The following PCSK5 variants were observed in gnomAD, a reference collection of about 807,000 sequenced individuals.
The protein encoded by PCSK5 is proprotein convertase subtilisin/kexin type 5, also known as prohormone convertase 5.
Under a neutral mutation model 233.2 loss-of-function variants are expected in PCSK5, and 129 were observed. The ratio of observed to expected loss-of-function variants is 0.55; its 90% CI spans 0.48 to 0.64. The LOEUF is 0.64. Ranked by LOEUF, PCSK5 falls within the 30% of genes least tolerant of loss-of-function variation. The pLI, the probability that PCSK5 is intolerant of heterozygous loss-of-function variation, is 0.00. For missense variants in PCSK5, 2,076 were observed against 2,430.1 expected, an observed-to-expected ratio of 0.85 and a Z score of 3.06; for synonymous variants, 825 against 879.2, an observed-to-expected ratio of 0.94 and a Z score of 1.09.
chr9:75,974,469 C>G (rs573242278), intron 2 of PCSK5, among the ~76,000 whole-genome samples: 3 of 152,186 alleles, frequency 2.0e-5, no homozygotes, highest in South Asian at 4.2e-4. Context: ...TCCCTTTGCC[C>G]GGGGATTTTG....
At chr9:76,135,481 A>G (rs906539404) in intron 10 of PCSK5, among the ~76,000 whole-genome samples, 3 of 152,130 alleles carry the variant, frequency 2.0e-5, no homozygotes, top group Non-Finnish European at 4.4e-5. Flanking sequence ...TGTAAACTAT[A>G]TAATGCAGCA....
intron 14 of PCSK5, among the ~76,000 whole-genome samples, chr9:76,179,111 T>C (rs1468351789): frequency 1.3e-5 from 2 of 152,200 alleles, no homozygotes; most frequent in African/African-American, 2.4e-5. Flanking sequence ...GCTGTAATGG[T>C]GTTTCTTCCT....
intron 24 of PCSK5, among the ~76,000 whole-genome samples, chr9:76,275,097 A>T (rs886340364): frequency 2.1e-5 from 3 of 140,026 alleles, no homozygotes; most frequent in Admixed American, 6.9e-5. Flanking sequence ...CATTGGAGAT[A>T]AAAAAAAAAT....
intron 2 of PCSK5, among the ~76,000 whole-genome samples, chr9:75,934,623 C>T (rs993115992): frequency 4.0e-5 from 6 of 151,680 alleles, no homozygotes; most frequent in African/African-American, 1.5e-4. Flanking sequence ...CTCTTATTGC[C>T]CAGGCTGGAG....
chr9:76,308,285 G>A (rs1828764692), intron 28 of PCSK5, among the ~76,000 whole-genome samples: 2 of 152,220 alleles, frequency 1.3e-5, no homozygotes. Flanking sequence ...ATTCACAAGT[G>A]CATACACACA....
Position 76,220,597 on chromosome 9 carries a change from G to A in PCSK5, c.2627-6906G>A, listed in dbSNP as rs370075323. Among the ~76,000 whole-genome samples the A allele has an allele frequency of 3.3e-5, 5 of 150,176 alleles. No homozygotes were observed. The South Asian group carries it at 8.5e-4, about 26-fold the overall frequency. ...TCCCACCCCCAAACCCCACCCTTTG[G>A]GTCTGGTCTTACAACCAGCTGTTTA... On this transcript the variant is annotated intron_variant, in intron 20 of 37. Coordinates refer to ENST00000674117, the MANE Select transcript of PCSK5 (RefSeq NM_001372043.1).
chr9:76,141,701 C>G (rs1477510327), intron 10 of PCSK5, among the ~76,000 whole-genome samples: 6 of 152,076 alleles, frequency 3.9e-5, no homozygotes, highest in Admixed American at 6.6e-5. Flanking sequence ...CTTTTGTAGG[C>G]TTTCGTATAA....
intron 28 of PCSK5, among the ~76,000 whole-genome samples, chr9:76,304,207 C>A (rs572625635): frequency 6.6e-6 from 1 of 152,226 alleles, no homozygotes; most frequent in South Asian, 2.1e-4. Flanking sequence ...ATTTTTATCT[C>A]CAAGCTAGGA....
chr9:75,911,445 A>G (rs925047724), intron 1 of PCSK5, among the ~76,000 whole-genome samples: 15 of 152,058 alleles, frequency 9.9e-5, no homozygotes, highest in African/African-American at 3.6e-4. Flanking sequence ...AATATTTTAC[A>G]GTGCCCACAC....
intron 32 of PCSK5, 144 bp downstream of exon 32, chr9:76,323,432 C>T: frequency 1.6e-6 from 1 of 610,010 alleles, no homozygotes; most frequent in Non-Finnish European, 2.9e-6. Context: ...TGCCCAGGCT[C>T]AAGTTCAGTA....
chr9:76,118,253 A>G (rs532033810), intron 9 of PCSK5, among the ~76,000 whole-genome samples: 7 of 152,236 alleles, frequency 4.6e-5, no homozygotes, highest in African/African-American at 1.7e-4. Flanking sequence ...AGGGGTCACC[A>G]GGCAAAGGTG....
At chr9:76,094,429 T>C (rs1296962501) in intron 7 of PCSK5, among the ~76,000 whole-genome samples, 2 of 152,208 alleles carry the variant, frequency 1.3e-5, no homozygotes, top group Admixed American at 6.5e-5. Flanking sequence ...CCAATTTGCC[T>C]TCTAGCTTTA....
intron 24 of PCSK5, among the ~76,000 whole-genome samples, chr9:76,244,903 C>T (rs545490720): frequency 6.6e-6 from 1 of 152,200 alleles, no homozygotes; most frequent in East Asian, 1.9e-4. Context: ...CTATTCTGCT[C>T]CAAGAATATT....
chr9:75,973,049 C>T (rs1825871136), intron 2 of PCSK5, among the ~76,000 whole-genome samples: 1 of 150,948 alleles, frequency 6.6e-6, no homozygotes, highest in Non-Finnish European at 1.5e-5. Flanking sequence ...TGGGTTAAGT[C>T]ACTTAACCCC....
intron 20 of PCSK5, among the ~76,000 whole-genome samples, chr9:76,196,919 C>T (rs1031516789): frequency 6.6e-6 from 1 of 152,104 alleles, no homozygotes; most frequent in Non-Finnish European, 1.5e-5. Context: ...TAGTACATGC[C>T]AAATCTCAAA....
At chr9:76,252,328 C>T (rs1225469346) in intron 24 of PCSK5, among the ~76,000 whole-genome samples, 1 of 152,138 alleles carries the variant, frequency 6.6e-6, no homozygotes, top group Non-Finnish European at 1.5e-5. Flanking sequence ...CTTTTCTGCC[C>T]CTTTCCTCAG....
chr9:76,245,221 T>C (rs1443323804), intron 24 of PCSK5, among the ~76,000 whole-genome samples: 2 of 152,188 alleles, frequency 1.3e-5, no homozygotes, highest in Non-Finnish European at 1.5e-5. Flanking sequence ...TCAATAAATA[T>C]AGTGGTTAAT....
chr9:75,945,439 T>C (rs116784690), intron 2 of PCSK5, among the ~76,000 whole-genome samples: 1,601 of 152,216 alleles, frequency 0.011, 34 homozygotes, highest in African/African-American at 0.037. Flanking sequence ...ATCTGTGGAC[T>C]TTCTCCCCCT....
In PCSK5 at chr9:76,360,628, A is replaced by G. The variant is rs890861372; in HGVS notation, c.*1706A>G. ...GTTTACTAAAGGCTTGTGCTTCTTT[A>G]GAGGAAAGCTCTTAAAACAGGGTTG... On this transcript the variant is annotated 3_prime_UTR_variant, in exon 38 of 38. Transcript: ENST00000674117. 1 of 152,170 alleles carries G rather than the reference A, an allele frequency of 6.6e-6. No homozygotes were observed. Among genetic ancestry groups the G allele is most frequent in the Non-Finnish European group, 1.5e-5 (1 of 68,026 alleles). 9.4% of individuals were successfully genotyped at this position (152,170 alleles called of 1,614,324 possible). A position where few individuals can be genotyped will look rare whatever the true frequency, so the allele number is the denominator to read the frequency against.
Sources: gnomAD v4.1 joint callset for allele counts (sites outside exome capture counted in the v4.1 genomes callset) on GRCh38, gnomAD v4.1.1 for gene constraint, MANE v1.5 for transcripts, NCBI Gene and HGNC (gene_info 2026-07-23, HGNC 2026-07-21) for gene names.